Variants in UGT1A8 observed in about 807,000 individuals in gnomAD.
The protein encoded by UGT1A8 is UDP glucuronosyltransferase family 1 member A8.
UGT1A8 carries 39 observed loss-of-function variants against 45.3 expected under a neutral mutation model. The ratio of observed to expected loss-of-function variants is 0.86; its 90% CI spans 0.67 to 1.12. UGT1A8 has a LOEUF of 1.12. Ranked by LOEUF, UGT1A8 falls within the 50% of genes most tolerant of loss-of-function variation. The probability of loss-of-function intolerance (pLI) is 0.00; values close to 1 mark genes in which losing one functional copy is unlikely to be tolerated. For synonymous variants in UGT1A8, 275 were observed against 249.2 expected (o/e 1.10, Z -0.97); for missense variants, 719 against 664.9 (o/e 1.08, Z -0.90).
At chr2:233,648,135 A>C (rs2073648399) in intron 1 of UGT1A8, 1 of 1,309,736 alleles carries the variant, frequency 7.6e-7, no homozygotes, top group Non-Finnish European at 1.0e-6. Flanking sequence ...AATGGGAAGC[A>C]GAAGTACGAC....
chr2:233,754,698 G>A (rs1338338783), intron 1 of UGT1A8: 2 of 506,588 alleles, frequency 3.9e-6, no homozygotes, highest in African/African-American at 2.0e-5. Context: ...AGTGGAAGTC[G>A]ACATGGACTT....
intron 1 of UGT1A8, among the ~76,000 whole-genome samples, chr2:233,676,752 G>A (rs888309625): frequency 2.0e-5 from 3 of 152,104 alleles, no homozygotes; most frequent in Non-Finnish European, 2.9e-5. Context: ...GGTAAAACTG[G>A]GTTTATAGAC....
chr2:233,725,787 A>T (rs1433226745), intron 1 of UGT1A8, among the ~76,000 whole-genome samples: 1 of 152,208 alleles, frequency 6.6e-6, no homozygotes, highest in African/African-American at 2.4e-5. Flanking sequence ...GTTATCATTA[A>T]ATAATAATCC....
At chr2:233,750,488 T>A (rs1694469780) in intron 1 of UGT1A8, 1 of 151,920 alleles carries the variant, frequency 6.6e-6, no homozygotes, top group African/African-American at 2.4e-5. Context: ...TTTGCATAAG[T>A]AAGGAGGAGC....
intron 1 of UGT1A8, chr2:233,721,922 G>A: frequency 2.5e-6 from 1 of 400,722 alleles, no homozygotes; most frequent in Non-Finnish European, 5.0e-6. Flanking sequence ...CTTCCATAAA[G>A]TGACATCCTT....
intron 1 of UGT1A8, among the ~76,000 whole-genome samples, chr2:233,628,371 T>C (rs937019901): frequency 1.3e-5 from 2 of 152,092 alleles, no homozygotes; most frequent in Non-Finnish European, 2.9e-5. Flanking sequence ...ATATATTTAT[T>C]TTTAAAAATC....
At chr2:233,621,059 T>C (rs2072994682) in intron 1 of UGT1A8, among the ~76,000 whole-genome samples, 1 of 152,158 alleles carries the variant, frequency 6.6e-6, no homozygotes, top group African/African-American at 2.4e-5. Context: ...AAAATCTCCT[T>C]GAGTCTATCC....
chr2:233,724,310 G>C (rs1212736933), intron 1 of UGT1A8, among the ~76,000 whole-genome samples: 1 of 141,058 alleles, frequency 7.1e-6, no homozygotes, highest in African/African-American at 2.6e-5. Context: ...CCTCCCTCCC[G>C]GACGGGGCGG....
chr2:233,728,275 C>T (rs45459598), intron 1 of UGT1A8, among the ~76,000 whole-genome samples: 67 of 152,164 alleles, frequency 4.4e-4, no homozygotes, highest in Non-Finnish European at 6.9e-4. Context: ...CTGGAGCCTT[C>T]GGCATTCAGA....
intron 1 of UGT1A8, among the ~76,000 whole-genome samples, chr2:233,668,390 C>A (rs920817336): frequency 1.3e-5 from 2 of 152,114 alleles, no homozygotes; most frequent in African/African-American, 4.8e-5. Context: ...TGAACTCATC[C>A]TTTTTTATGG....
intron 1 of UGT1A8, among the ~76,000 whole-genome samples, chr2:233,683,789 T>G (rs1464209598): frequency 6.6e-6 from 1 of 152,186 alleles, no homozygotes; most frequent in Non-Finnish European, 1.5e-5. Flanking sequence ...TTTTACACAT[T>G]TATCTTGTAT....
At chr2:233,760,687 A>C in intron 1 of UGT1A8, 1 of 1,614,232 alleles carries the variant, frequency 6.2e-7, no homozygotes, top group Non-Finnish European at 8.5e-7. Context: ...ACTGCACAAC[A>C]AGGAGCTCAT....
At chr2:233,661,679 C>CTTTCTTTT in intron 1 of UGT1A8, among the ~76,000 whole-genome samples, 2 of 130,786 alleles carry the variant, frequency 1.5e-5, no homozygotes, top group African/African-American at 2.8e-5. Context: ...TTCTTTCTTT[C>CTTTCTTTT]TTTTTAAACA....
At chr2:233,678,560 G>C (rs541941089) in intron 1 of UGT1A8, among the ~76,000 whole-genome samples, 1 of 152,162 alleles carries the variant, frequency 6.6e-6, no homozygotes, top group Non-Finnish European at 1.5e-5. Context: ...CTTTTATACA[G>C]TACTAATCCT....
chr2:233,739,438 T>G (rs1285921869), intron 1 of UGT1A8, among the ~76,000 whole-genome samples: 1 of 152,226 alleles, frequency 6.6e-6, no homozygotes, highest in Non-Finnish European at 1.5e-5. Context: ...GGCTTTACCC[T>G]GCAAAGCCAC....
Position 233,665,957 on chromosome 2 carries a change from G to A in UGT1A8, c.855+47395G>A, listed in dbSNP as rs371432635. Reference sequence around the variant, plus strand: ...TCACCAACACTGGATGTCTTAGTCCGTTTGCATTGCGATAAAGGAATACCT... The same window carrying A: ...TCACCAACACTGGATGTCTTAGTCCATTTGCATTGCGATAAAGGAATACCT... On this transcript the variant is annotated intron_variant, in intron 1 of 4. Coordinates refer to ENST00000373450, the MANE Select transcript of UGT1A8 (RefSeq NM_019076.5). 7.9e-5 allele frequency among the ~76,000 whole-genome samples: 12 copies of A among 152,232 alleles called. No homozygotes were observed. The South Asian group carries it at 1.9e-3, about 24-fold the overall frequency.
intron 1 of UGT1A8, among the ~76,000 whole-genome samples, chr2:233,742,222 G>C (rs1373280517): frequency 2.0e-5 from 3 of 151,942 alleles, no homozygotes; most frequent in Non-Finnish European, 4.4e-5. Context: ...TCAGGGCTGA[G>C]AGCCCCAAAC....
intron 1 of UGT1A8, among the ~76,000 whole-genome samples, chr2:233,649,312 C>A (rs2073681815): frequency 6.6e-6 from 1 of 152,172 alleles, no homozygotes; most frequent in African/African-American, 2.4e-5. Context: ...ACTCAAACTC[C>A]TGGGCTCAAG....
chr2:233,754,858 C>T lies in UGT1A8; in HGVS notation c.856-12176C>T, dbSNP rs759970086. 1.3e-5 allele frequency: 18 copies of T among 1,350,050 alleles called. No individual in the cohort carries two copies. In the African/African-American group the frequency reaches 2.1e-4, roughly 16 times the overall value. The allele number at this position is 1,350,050 out of a possible 1,614,324, so 83.6% of individuals were successfully genotyped here. ...TCACTGAAGGCAGAGAAAAGGGGTG[C>T]AGACCCTCTGCTTCTGCTTCCCAGG... On this transcript the variant is annotated intron_variant, in intron 1 of 4. Coordinates refer to ENST00000373450, the MANE Select transcript of UGT1A8 (RefSeq NM_019076.5).
Sources: allele counts gnomAD v4.1 joint callset (sites outside exome capture counted in the v4.1 genomes callset), GRCh38; gene constraint gnomAD v4.1.1; transcripts MANE v1.5; gene names NCBI Gene and HGNC (gene_info 2026-07-23, HGNC 2026-07-21).